The following RNGTT variants were observed in gnomAD, a reference collection of about 807,000 sequenced individuals.
The protein encoded by RNGTT is mRNA-capping enzyme.
A neutral mutation model predicts 79.3 loss-of-function variants in RNGTT; 33 were observed. The observed-to-expected ratio is 0.42, with a 90% confidence interval of 0.32 to 0.56. The LOEUF is 0.56. Among genes scored for constraint, RNGTT ranks in the 20% least tolerant of loss-of-function variants. The pLI, the probability that RNGTT is intolerant of heterozygous loss-of-function variation, is 0.17. For missense variants in RNGTT, 497 were observed against 739.1 expected (o/e 0.67, Z 3.80); for synonymous variants, 222 against 235.9 (o/e 0.94, Z 0.54).
intron 12 of RNGTT, among the ~76,000 whole-genome samples, chr6:88,777,819 T>A (rs1778938562): frequency 6.6e-6 from 1 of 152,202 alleles, no homozygotes; most frequent in Admixed American, 6.5e-5. Context: ...TACTAGTAGC[T>A]CCAGTATTAT....
At chr6:88,788,754 T>G (rs1344398282) in intron 12 of RNGTT, among the ~76,000 whole-genome samples, 1 of 152,206 alleles carries the variant, frequency 6.6e-6, no homozygotes, top group African/African-American at 2.4e-5. Flanking sequence ...TAACCTCTGA[T>G]GTTCTATAAT....
intron 13 of RNGTT, among the ~76,000 whole-genome samples, chr6:88,749,246 A>C (rs1777764811): frequency 6.6e-6 from 1 of 152,152 alleles, no homozygotes; most frequent in African/African-American, 2.4e-5. Context: ...AGAAGTTGTA[A>C]ATATGTAGGA....
chr6:88,920,142 T>TA lies in RNGTT; in HGVS notation c.367+8842dup, dbSNP rs527328209. Reference sequence around the variant, plus strand: ...GTCTCTAAAAAATTATTTAATATAATACAATAAAGGCAAAAAAAATTAATG... The same window carrying TA: ...GTCTCTAAAAAATTATTTAATATAATAACAATAAAGGCAAAAAAAATTAATG... On this transcript the variant is annotated intron_variant, in intron 4 of 15. Transcript: ENST00000369485. Among the ~76,000 whole-genome samples the TA allele has an allele frequency of 6.0e-3, 911 of 152,216 alleles. 17 individuals are homozygous for TA. Among genetic ancestry groups the TA allele is most frequent in the African/African-American group, 0.02 (830 of 41,532 alleles).
At chr6:88,929,961 C>T (rs1240846398) in intron 2 of RNGTT, among the ~76,000 whole-genome samples, 1 of 147,938 alleles carries the variant, frequency 6.8e-6, no homozygotes. Flanking sequence ...CACGTATATA[C>T]ATATGTATAC....
Position 88,903,171 on chromosome 6 carries a change from G to T in RNGTT, c.684+1544C>A, listed in dbSNP as rs1783531600. Among the ~76,000 whole-genome samples, 5 of 152,292 alleles carry T rather than the reference G, an allele frequency of 3.3e-5. No homozygotes were observed. In the Middle Eastern group the frequency reaches 0.01, roughly 311 times the overall value. Reference sequence around the variant, plus strand: ...CTAATCTTTACATGAAATGTACATGGACTAAATGATAAGGCAAAAACTGTT... The same window carrying T: ...CTAATCTTTACATGAAATGTACATGTACTAAATGATAAGGCAAAAACTGTT... On this transcript the variant is annotated intron_variant, in intron 6 of 15. Transcript: ENST00000369485.
intron 2 of RNGTT, among the ~76,000 whole-genome samples, chr6:88,930,868 A>C (rs187553981): frequency 3.9e-5 from 6 of 152,292 alleles, no homozygotes; most frequent in African/African-American, 1.4e-4. Flanking sequence ...AAAAGCAGTA[A>C]AAATGACCCC....
intron 1 of RNGTT, among the ~76,000 whole-genome samples, chr6:88,941,821 T>C (rs1260053947): frequency 6.6e-6 from 1 of 152,050 alleles, no homozygotes. Context: ...CAATCAAATA[T>C]AACAGCAAAA....
intron 12 of RNGTT, among the ~76,000 whole-genome samples, chr6:88,771,839 C>T (rs1012202018): frequency 1.3e-5 from 2 of 151,586 alleles, no homozygotes; most frequent in South Asian, 4.2e-4. Flanking sequence ...TTCTATACAC[C>T]AGCAATAAAA....
intron 13 of RNGTT, among the ~76,000 whole-genome samples, chr6:88,707,885 A>G (rs1355317602): frequency 6.6e-6 from 1 of 151,942 alleles, no homozygotes; most frequent in Non-Finnish European, 1.5e-5. Context: ...TCTAGGATGT[A>G]GATACTACAT....
At chr6:88,656,914 A>T (rs932835367) in intron 14 of RNGTT, among the ~76,000 whole-genome samples, 21 of 151,932 alleles carry the variant, frequency 1.4e-4, no homozygotes, top group African/African-American at 5.1e-4. Flanking sequence ...ACAATGTGAG[A>T]CCTCATCTCT....
intron 13 of RNGTT, among the ~76,000 whole-genome samples, chr6:88,680,547 G>T (rs1383087117): frequency 6.6e-6 from 1 of 151,802 alleles, no homozygotes; most frequent in Non-Finnish European, 1.5e-5. Context: ...TTTGAGACCA[G>T]CCTGACCAAC....
At chr6:88,817,916 C>T (rs1442652336) in intron 11 of RNGTT, among the ~76,000 whole-genome samples, 1 of 151,990 alleles carries the variant, frequency 6.6e-6, no homozygotes, top group Non-Finnish European at 1.5e-5. Flanking sequence ...CCCGCCAACA[C>T]GCCCAGCTAA....
intron 11 of RNGTT, among the ~76,000 whole-genome samples, chr6:88,839,725 C>G (rs1156906516): frequency 6.6e-6 from 1 of 152,110 alleles, no homozygotes; most frequent in African/African-American, 2.4e-5. Context: ...TTCAGAGAAA[C>G]TTTTTACTGC....
At chr6:88,929,978 A>C (rs922499843) in intron 2 of RNGTT, among the ~76,000 whole-genome samples, 5 of 149,700 alleles carry the variant, frequency 3.3e-5, no homozygotes, top group Non-Finnish European at 5.9e-5. Context: ...ATACATGCAT[A>C]TGTGCATATA....
At chr6:88,812,327 C>G (rs1780165223) in intron 11 of RNGTT, among the ~76,000 whole-genome samples, 1 of 152,024 alleles carries the variant, frequency 6.6e-6, no homozygotes, top group South Asian at 2.1e-4. Flanking sequence ...GAAAATATAC[C>G]CTCTTAATTT....
chr6:88,710,382 T>C (rs1776278247), intron 13 of RNGTT, among the ~76,000 whole-genome samples: 1 of 152,168 alleles, frequency 6.6e-6, no homozygotes, highest in Admixed American at 6.5e-5. Context: ...CCTAAGTAGT[T>C]CTTAAAAGAA....
intron 2 of RNGTT, among the ~76,000 whole-genome samples, chr6:88,929,729 A>G (rs573787939): frequency 1.1e-4 from 17 of 152,104 alleles, no homozygotes; most frequent in Non-Finnish European, 2.1e-4. Flanking sequence ...AATTCTGTTA[A>G]TATCTATTGA....
At chr6:88,769,628 G>A in intron 13 of RNGTT, 146 bp downstream of exon 13, 1 of 485,276 alleles carries the variant, frequency 2.1e-6, no homozygotes, top group Non-Finnish European at 3.6e-6. Flanking sequence ...TGTTGTATAA[G>A]TATATATGTA....
At chr6:88,931,610 G>A (rs1784516197) in intron 2 of RNGTT, among the ~76,000 whole-genome samples, 1 of 152,098 alleles carries the variant, frequency 6.6e-6, no homozygotes, top group Non-Finnish European at 1.5e-5. Context: ...AACACATAGG[G>A]TAAAAAAGTA....
Sources: gnomAD v4.1 joint callset for allele counts (sites outside exome capture counted in the v4.1 genomes callset) on GRCh38, gnomAD v4.1.1 for gene constraint, MANE v1.5 for transcripts, NCBI Gene and HGNC (gene_info 2026-07-23, HGNC 2026-07-21) for gene names.